Variants in ABLIM3 observed in about 807,000 individuals in gnomAD.
The protein encoded by ABLIM3 is actin binding LIM protein family member 3, also known as actin-binding LIM protein 3.
ABLIM3 carries 61 observed loss-of-function variants against 109.5 expected under a neutral mutation model. That is an observed-to-expected ratio of 0.56 (90% CI 0.45 to 0.69). ABLIM3 has a LOEUF of 0.69. Ranked by LOEUF, ABLIM3 falls within the 30% of genes least tolerant of loss-of-function variation. The pLI, the probability that ABLIM3 is intolerant of heterozygous loss-of-function variation, is 0.00. For synonymous variants in ABLIM3, 300 were observed against 324.8 expected (o/e 0.92, Z 0.82); for missense variants, 796 against 889.5 (o/e 0.89, Z 1.34).
chr5:149,215,407 A>AT (rs1383827309), intron 7 of ABLIM3, among the ~76,000 whole-genome samples: 1 of 151,614 alleles, frequency 6.6e-6, no homozygotes, highest in Non-Finnish European at 1.5e-5. Flanking sequence ...AATATTGGAG[A>AT]TTTTTTTCTT....
intron 2 of ABLIM3, among the ~76,000 whole-genome samples, chr5:149,146,906 G>C (rs1752983046): frequency 6.6e-6 from 1 of 152,200 alleles, no homozygotes; most frequent in African/African-American, 2.4e-5. Flanking sequence ...GCTTTGGGCA[G>C]TATGGCTGTT....
At chr5:149,193,084 A>G (rs1362197518) in intron 3 of ABLIM3, among the ~76,000 whole-genome samples, 1 of 152,182 alleles carries the variant, frequency 6.6e-6, no homozygotes, top group Non-Finnish European at 1.5e-5. Flanking sequence ...TATTCAAACA[A>G]CTGGTCACTA....
intron 23 of ABLIM3, 139 bp downstream of exon 23, chr5:149,252,976 C>G (rs977295271): frequency 1.6e-6 from 1 of 632,438 alleles, no homozygotes; most frequent in African/African-American, 1.8e-5. Context: ...GGGACTTGAA[C>G]CAATTTCCTC....
chr5:149,151,577 ACC>A (rs1337686756), intron 2 of ABLIM3, among the ~76,000 whole-genome samples: 2 of 152,156 alleles, frequency 1.3e-5, no homozygotes, highest in South Asian at 4.1e-4. Flanking sequence ...TGATGTTTAA[ACC>A]CTCATTTTGC....
At chr5:149,246,692 G>C (rs1581234599) in intron 17 of ABLIM3, 146 bp downstream of exon 17, 2 of 852,612 alleles carry the variant, frequency 2.3e-6, no homozygotes, top group East Asian at 5.8e-5. Context: ...AAAATCAAAT[G>C]GTGGAATTAG....
chr5:149,225,976 GTGTGTGTATATATATATA>G (rs1427134884), intron 8 of ABLIM3, among the ~76,000 whole-genome samples: 677 of 38,430 alleles, frequency 0.018, 3 homozygotes, highest in Non-Finnish European at 0.026. Flanking sequence ...GTGTGTGTGT[GTGTGTGTATATATATATA>G]TATATATATA....
At position 149,242,507 on chromosome 5, in the gene ABLIM3, C is replaced by G. The variant is rs769885516; in HGVS notation, c.1320C>G (p.Ile440Met). 2.9e-5 allele frequency: 47 copies of G among 1,614,136 alleles called. No homozygotes were observed. The highest frequency in any genetic ancestry group is 4.0e-5 in the Non-Finnish European group (47 of 1,180,036). Residue 440 changes from isoleucine to methionine, a missense_variant, in exon 15 of 24, where the codon ATC becomes ATG. By Grantham distance (10) the Ile-to-Met change is conservative (BLOSUM62 1). Coordinates refer to ENST00000309868, the MANE Select transcript of ABLIM3 (RefSeq NM_014945.5). ...GTCTGGCAGCTGGAGACAGTAACAT[C>G]TACCGGAAACCCCCGATCTACAAAC... Reference protein sequence around the residue: ...HFHIPAGDSNIYRKPPIYKRH... With the variant: ...HFHIPAGDSNMYRKPPIYKRH...
intron 5 of ABLIM3, among the ~76,000 whole-genome samples, chr5:149,203,733 A>G (rs1235612605): frequency 1.3e-5 from 2 of 152,316 alleles, no homozygotes; most frequent in African/African-American, 4.8e-5. Context: ...CACTGTCACC[A>G]TCATCACCAC....
chr5:149,169,090 C>A, intron 2 of ABLIM3, among the ~76,000 whole-genome samples: 1 of 125,620 alleles, frequency 8.0e-6, no homozygotes, highest in South Asian at 2.8e-4. Flanking sequence ...GTAGGACCCC[C>A]CCACCCCCCG....
chr5:149,153,508 A>G (rs1753617984), intron 2 of ABLIM3, among the ~76,000 whole-genome samples: 1 of 152,224 alleles, frequency 6.6e-6, no homozygotes, highest in African/African-American at 2.4e-5. Context: ...AGTACGGCCT[A>G]CAGGAAAAAA....
chr5:149,160,297 A>C (rs1471879856), intron 2 of ABLIM3, among the ~76,000 whole-genome samples: 5 of 152,000 alleles, frequency 3.3e-5, no homozygotes, highest in African/African-American at 1.2e-4. Context: ...TCTACTAAAA[A>C]AAATTACAAA....
chr5:149,150,911 T>A (rs991648722), intron 2 of ABLIM3, among the ~76,000 whole-genome samples: 2 of 152,006 alleles, frequency 1.3e-5, no homozygotes, highest in Admixed American at 6.5e-5. Context: ...AGGAGGCAAA[T>A]AATAGTGCCT....
At chr5:149,225,341 C>T (rs2918270) in intron 8 of ABLIM3, among the ~76,000 whole-genome samples, 65,901 of 151,886 alleles carry the variant, frequency 0.43, 14,542 homozygotes, top group East Asian at 0.59. Context: ...CCCTGGCAGT[C>T]ACCAATCTGT....
At chr5:149,240,876 G>A in intron 14 of ABLIM3, 102 bp downstream of exon 14, 1 of 1,084,020 alleles carries the variant, frequency 9.2e-7, no homozygotes, top group Non-Finnish European at 1.4e-6. Flanking sequence ...CAAGAAGCTG[G>A]TTCCTGAGGG....
chr5:149,222,545 T>C (rs1349286621), intron 8 of ABLIM3, among the ~76,000 whole-genome samples: 1 of 152,136 alleles, frequency 6.6e-6, no homozygotes, highest in African/African-American at 2.4e-5. Context: ...CAAAATAAAG[T>C]GAAGAGACTT....
intron 8 of ABLIM3, among the ~76,000 whole-genome samples, chr5:149,226,620 C>T (rs888499136): frequency 3.9e-5 from 6 of 152,164 alleles, no homozygotes; most frequent in Non-Finnish European, 8.8e-5. Context: ...CACTGGTGAC[C>T]TGCAGTATCT....
chr5:149,220,784 A>T (rs375712765), intron 8 of ABLIM3: 3 of 152,146 alleles, frequency 2.0e-5, no homozygotes, highest in East Asian at 3.9e-4. Context: ...CCTTCTCTGG[A>T]TCTCTTGCTT....
At chr5:149,151,839 T>C (rs1753462362) in intron 2 of ABLIM3, among the ~76,000 whole-genome samples, 1 of 152,232 alleles carries the variant, frequency 6.6e-6, no homozygotes, top group African/African-American at 2.4e-5. Flanking sequence ...GGAATAAGAA[T>C]TGGATTGTTC....
intron 18 of ABLIM3, among the ~76,000 whole-genome samples, chr5:149,249,241 G>A (rs886497123): frequency 6.6e-6 from 1 of 152,220 alleles, no homozygotes; most frequent in African/African-American, 2.4e-5. Flanking sequence ...AGATGTTGGT[G>A]TTGGCGGCAA....
Sources: allele counts gnomAD v4.1 joint callset (sites outside exome capture counted in the v4.1 genomes callset), GRCh38; gene constraint gnomAD v4.1.1; transcripts MANE v1.5; gene names NCBI Gene and HGNC (gene_info 2026-07-23, HGNC 2026-07-21).